ADAMTSL1: variants seen among roughly 807,000 people sequenced by gnomAD.
The protein encoded by ADAMTSL1 is ADAMTS like 1.
In ADAMTSL1, 126 loss-of-function variants were observed where a neutral mutation model predicts 201.8. The observed-to-expected ratio is 0.62, with a 90% confidence interval of 0.54 to 0.72. ADAMTSL1 has a LOEUF of 0.72. Ranked by LOEUF, ADAMTSL1 falls within the 30% of genes least tolerant of loss-of-function variation. ADAMTSL1 has a pLI of 0.00. For missense variants in ADAMTSL1, 2,679 were observed against 2,277.8 expected, an observed-to-expected ratio of 1.18 and a Z score of -3.59; for synonymous variants, 1,121 against 903.4, an observed-to-expected ratio of 1.24 and a Z score of -4.32.
rs1227838937 is a variant in ADAMTSL1 at position 18,613,265 on chromosome 9, G to A, written c.475-8978G>A. 3.9e-5 allele frequency among the ~76,000 whole-genome samples: 6 copies of A among 152,350 alleles called. No individual in the cohort carries two copies. In the East Asian group the frequency reaches 1.2e-3, roughly 29 times the overall value. On this transcript the variant is annotated intron_variant, in intron 4 of 28. Coordinates refer to ENST00000380548, the MANE Select transcript of ADAMTSL1 (RefSeq NM_001040272.6). ...AGGAACACTTATACACTGTTGGTGGGAGTGTAAATTAGTTCAAGCATTGTG... is the reference window on the plus strand; with the variant it reads ...AGGAACACTTATACACTGTTGGTGGAAGTGTAAATTAGTTCAAGCATTGTG...
intron 1 of ADAMTSL1, among the ~76,000 whole-genome samples, chr9:17,964,483 A>C (rs1817894557): frequency 6.6e-6 from 1 of 152,164 alleles, no homozygotes; most frequent in Non-Finnish European, 1.5e-5. Flanking sequence ...AACGCAAGGA[A>C]TCCCTGCGTG....
Position 18,727,810 on chromosome 9 carries a change from T to C in ADAMTSL1, c.2006+6145T>C, listed in dbSNP as rs564689554. The stretch of plus-strand genomic sequence containing the variant: ...GATATCACTTTGCGGCTGGGCACAG[T>C]GGCTCATGCCTGTAATCCCAGCATT... On this transcript the variant is annotated intron_variant, in intron 15 of 28. Coordinates refer to ENST00000380548, the MANE Select transcript of ADAMTSL1 (RefSeq NM_001040272.6). Among the ~76,000 whole-genome samples, 455 of 152,316 alleles carry C rather than the reference T, an allele frequency of 3.0e-3. 2 individuals carry two copies. Among genetic ancestry groups the C allele is most frequent in the African/African-American group, 0.01 (433 of 41,564 alleles).
At position 18,861,192 on chromosome 9, in the gene ADAMTSL1, C is replaced by A. The variant is rs111778264; in HGVS notation, c.4250-26639C>A. Reference sequence around the variant, plus strand: ...ATACAGAGATCATATACACATCCCTCTTTTGATACACATTTCCCATTCTAG... The same window carrying A: ...ATACAGAGATCATATACACATCCCTATTTTGATACACATTTCCCATTCTAG... On this transcript the variant is annotated intron_variant, in intron 23 of 28. Transcript: ENST00000380548. Among the ~76,000 whole-genome samples, 8 of 152,316 alleles carry A rather than the reference C, an allele frequency of 5.3e-5. 1 individual carries two copies. Among genetic ancestry groups the A allele is most frequent in the African/African-American group, 1.7e-4 (7 of 41,560 alleles).
intron 7 of ADAMTSL1, among the ~76,000 whole-genome samples, chr9:18,644,285 A>G (rs949289474): frequency 1.3e-5 from 2 of 152,008 alleles, no homozygotes; most frequent in Non-Finnish European, 2.9e-5. Context: ...GATGCATTAT[A>G]TATTAATTTA....
chr9:18,393,586 C>T (rs1366162108), intron 2 of ADAMTSL1, among the ~76,000 whole-genome samples: 2 of 152,234 alleles, frequency 1.3e-5, no homozygotes, highest in Admixed American at 6.5e-5. Flanking sequence ...TTGAGGTTGG[C>T]TCCCAACATC....
At position 18,697,329 on chromosome 9, in the gene ADAMTSL1, T is replaced by A. The variant is rs79465736; in HGVS notation, c.1575-9418T>A. 5.6e-3 allele frequency among the ~76,000 whole-genome samples: 847 copies of A among 152,286 alleles called. 9 individuals carry two copies. Among genetic ancestry groups the A allele is most frequent in the African/African-American group, 0.02 (813 of 41,548 alleles). The stretch of plus-strand genomic sequence containing the variant: ...ATGAACAGAAAAATACATATATTAT[T>A]ATGGACAAGAAACATCTGTATCACC... On this transcript the variant is annotated intron_variant, in intron 13 of 28. Transcript: ENST00000380548.
At chr9:18,110,134 C>G (rs1824940624) in intron 1 of ADAMTSL1, among the ~76,000 whole-genome samples, 1 of 152,172 alleles carries the variant, frequency 6.6e-6, no homozygotes, top group Admixed American at 6.5e-5. Context: ...CTTTCAGTTA[C>G]TCAGTTTTCC....
At chr9:18,708,907 T>A (rs1383741195) in intron 14 of ADAMTSL1, among the ~76,000 whole-genome samples, 1 of 152,202 alleles carries the variant, frequency 6.6e-6, no homozygotes, top group East Asian at 1.9e-4. Context: ...ATTTGAAGTG[T>A]CGAGTGTATG....
In ADAMTSL1 at chr9:18,864,673, A is replaced by G. The variant is rs532100325; in HGVS notation, c.4250-23158A>G. ...CTTCCCCCATGTCCTCATCTGTCCA[A>G]CTCAGGCTGTTTCCCTGAGTCAGGC... On this transcript the variant is annotated intron_variant, in intron 23 of 28. Transcript: ENST00000380548. 3.2e-4 allele frequency among the ~76,000 whole-genome samples: 48 copies of G among 152,280 alleles called. 1 individual carries two copies. In the South Asian group the frequency reaches 9.8e-3, roughly 31 times the overall value.
intron 1 of ADAMTSL1, among the ~76,000 whole-genome samples, chr9:17,940,311 A>G (rs1464028123): frequency 3.3e-5 from 5 of 152,114 alleles, no homozygotes; most frequent in Admixed American, 3.3e-4. Context: ...GGGTGTTCCA[A>G]AGATCCAGGA....
chr9:18,896,030 A>AAGAT (rs35369982), intron 26 of ADAMTSL1, among the ~76,000 whole-genome samples: 3 of 152,128 alleles, frequency 2.0e-5, no homozygotes, highest in African/African-American at 7.2e-5. Flanking sequence ...TTCAAACTTG[A>AAGAT]AGATAGATAG....
intron 1 of ADAMTSL1, among the ~76,000 whole-genome samples, chr9:18,037,311 A>T (rs975142113): frequency 3.3e-5 from 5 of 152,166 alleles, no homozygotes; most frequent in African/African-American, 1.2e-4. Context: ...TTTCACAGAT[A>T]AAAGATCACA....
intron 4 of ADAMTSL1, among the ~76,000 whole-genome samples, chr9:18,600,096 G>C (rs111496035): frequency 1.3e-5 from 2 of 151,538 alleles, no homozygotes; most frequent in Admixed American, 6.6e-5. Flanking sequence ...CTGCTGCCTT[G>C]AGATGCTGCA....
chr9:18,636,605 T>A (rs1827128110), intron 6 of ADAMTSL1, among the ~76,000 whole-genome samples: 2 of 152,116 alleles, frequency 1.3e-5, no homozygotes. Flanking sequence ...ACCCCAAAGA[T>A]CAAATGGCAG....
chr9:18,571,133 A>G (rs1822269045), intron 3 of ADAMTSL1, among the ~76,000 whole-genome samples: 1 of 152,230 alleles, frequency 6.6e-6, no homozygotes, highest in Non-Finnish European at 1.5e-5. Flanking sequence ...GAGGGGAATC[A>G]TAGGAGACTC....
At chr9:18,212,784 G>A (rs1461913875) in intron 2 of ADAMTSL1, among the ~76,000 whole-genome samples, 1 of 152,074 alleles carries the variant, frequency 6.6e-6, no homozygotes, top group Admixed American at 6.5e-5. Flanking sequence ...TTGCCTTTTT[G>A]GTGTGGACGA....
intron 15 of ADAMTSL1, among the ~76,000 whole-genome samples, chr9:18,747,993 A>C (rs545722741): frequency 6.6e-6 from 1 of 152,326 alleles, no homozygotes; most frequent in Non-Finnish European, 1.5e-5. Context: ...ATTAAGGTGG[A>C]GGGAGACCCT....
At chr9:18,294,171 C>A (rs1187530718) in intron 2 of ADAMTSL1, among the ~76,000 whole-genome samples, 4 of 152,136 alleles carry the variant, frequency 2.6e-5, no homozygotes, top group Non-Finnish European at 5.9e-5. Context: ...CGCCAAAAAT[C>A]GTCTGATTCC....
intron 1 of ADAMTSL1, among the ~76,000 whole-genome samples, chr9:18,117,051 C>G (rs1300727845): frequency 6.6e-6 from 1 of 152,176 alleles, no homozygotes; most frequent in East Asian, 1.9e-4. Flanking sequence ...TCCAGTTCAG[C>G]AAAGAATCTT....
Sources: gnomAD v4.1 joint callset for allele counts (sites outside exome capture counted in the v4.1 genomes callset) on GRCh38, gnomAD v4.1.1 for gene constraint, MANE v1.5 for transcripts, NCBI Gene and HGNC (gene_info 2026-07-23, HGNC 2026-07-21) for gene names.